Variants in SORCS2 observed in about 807,000 individuals in gnomAD.
SORCS2 encodes the protein VPS10 domain-containing receptor SorCS2.
SORCS2 carries 100 observed loss-of-function variants against 141.6 expected under a neutral mutation model. The ratio of observed to expected loss-of-function variants is 0.71; its 90% CI spans 0.60 to 0.83. The LOEUF (loss-of-function observed/expected upper bound fraction) is 0.83, where lower values mean the gene tolerates loss of function less well. Ranked by LOEUF, SORCS2 falls within the 40% of genes least tolerant of loss-of-function variation. SORCS2 has a pLI of 0.00. For synonymous variants in SORCS2, 789 were observed against 676.9 expected, an observed-to-expected ratio of 1.17 and a Z score of -2.57; for missense variants, 1,646 against 1,560.2, an observed-to-expected ratio of 1.05 and a Z score of -0.93.
At chr4:7,289,614 A>T (rs1423414094) in intron 1 of SORCS2, among the ~76,000 whole-genome samples, 1 of 152,208 alleles carries the variant, frequency 6.6e-6, no homozygotes, top group African/African-American at 2.4e-5. Context: ...GCAGTTAATA[A>T]AGCCCTCCCA....
chr4:7,307,566 G>A (rs1717911551), intron 1 of SORCS2, among the ~76,000 whole-genome samples: 2 of 152,252 alleles, frequency 1.3e-5, no homozygotes, highest in Non-Finnish European at 2.9e-5. Flanking sequence ...GGGCTCCGCC[G>A]CCATGCCTGT....
In SORCS2 at chr4:7,341,755, A is replaced by G. The variant is rs183903579; in HGVS notation, c.481-54533A>G. ...CATTTTGAAGTGTGGCTTCAGTGGT[A>G]TTCAGTGCATTCACAGTGTGTGCAG... On this transcript the variant is annotated intron_variant, in intron 1 of 26. Transcript: ENST00000507866. 7.9e-4 allele frequency among the ~76,000 whole-genome samples: 121 copies of G among 152,320 alleles called. 1 individual carries two copies. In the East Asian group the frequency reaches 0.021, roughly 26 times the overall value.
Position 7,192,597 on chromosome 4 carries a change from C to A in SORCS2, c.-50C>A, listed in dbSNP as rs1171454407. The stretch of plus-strand genomic sequence containing the variant: ...CCCTCCTGCTCTCCCGGCCGCGGTC[C>A]CCTCGTCCGCGCCGCCCCGCCGCCG... On this transcript the variant is annotated 5_prime_UTR_variant, in exon 1 of 27. Transcript: ENST00000507866. This position sits in a 1 kb window ranked among gnomAD's most constrained non-coding sequence, Gnocchi z 4.0. 14 of 987,162 alleles carry A rather than the reference C, an allele frequency of 1.4e-5. No individual in the cohort carries two copies. The highest frequency in any genetic ancestry group is 1.7e-5 in the Non-Finnish European group (14 of 831,698). 61.2% of individuals were successfully genotyped at this position (987,162 alleles called of 1,614,324 possible).
intron 3 of SORCS2, among the ~76,000 whole-genome samples, chr4:7,628,270 C>A (rs966765483): frequency 3.9e-5 from 6 of 152,102 alleles, no homozygotes; most frequent in Non-Finnish European, 7.4e-5. Context: ...TGCCTGTAAT[C>A]CCAGCACCTT....
At chr4:7,406,802 T>C (rs1724997342) in intron 2 of SORCS2, among the ~76,000 whole-genome samples, 1 of 152,000 alleles carries the variant, frequency 6.6e-6, no homozygotes, top group Non-Finnish European at 1.5e-5. Flanking sequence ...TCCTTGATTT[T>C]TTAAAGTTTA....
chr4:7,725,490 G>C (rs1727156200), intron 20 of SORCS2, among the ~76,000 whole-genome samples: 1 of 152,214 alleles, frequency 6.6e-6, no homozygotes, highest in South Asian at 2.1e-4. Context: ...AATGGTGCCA[G>C]ATGAGTCAGA....
chr4:7,710,357 A>C (rs1328553932), intron 14 of SORCS2, among the ~76,000 whole-genome samples: 3 of 152,170 alleles, frequency 2.0e-5, no homozygotes, highest in Admixed American at 2.0e-4. Flanking sequence ...CAAGGAGGAA[A>C]TGGGGGAATA....
At chr4:7,374,129 C>CTCTTTCTTTCTTTCTT (rs1162945229) in intron 1 of SORCS2, among the ~76,000 whole-genome samples, 1,093 of 51,744 alleles carry the variant, frequency 0.021, 17 homozygotes, top group Admixed American at 0.027. Context: ...CTTTCTTTCC[C>CTCTTTCTTTCTTTCTT]TCTTTCTTTC....
Position 7,502,783 on chromosome 4 carries a change from G to A in SORCS2, c.549-28747G>A, listed in dbSNP as rs1167142797. On this transcript the variant is annotated intron_variant, in intron 2 of 26. Coordinates refer to ENST00000507866, the MANE Select transcript of SORCS2 (RefSeq NM_020777.3). ...TCTGTGCTCAGAGACCACTGTGCGG[G>A]GAGCAGGGAAGCCGGCCTTGCCCCC... Among the ~76,000 whole-genome samples the A allele has an allele frequency of 4.4e-5, 5 of 114,750 alleles. No individual in the cohort carries two copies. In the East Asian group the frequency reaches 3.4e-3, roughly 77 times the overall value. 75.3% of individuals were successfully genotyped at this position (114,750 alleles called of 152,430 possible). A position where few individuals can be genotyped will look rare whatever the true frequency, so the allele number is the denominator to read the frequency against.
intron 4 of SORCS2, among the ~76,000 whole-genome samples, chr4:7,651,021 CAT>C (rs1292717614): frequency 6.6e-6 from 1 of 152,064 alleles, no homozygotes; most frequent in African/African-American, 2.4e-5. Context: ...CTGGCAAAAA[CAT>C]AACGCAAATC....
intron 2 of SORCS2, among the ~76,000 whole-genome samples, chr4:7,445,734 C>G (rs1370706383): frequency 1.3e-5 from 2 of 152,146 alleles, no homozygotes; most frequent in African/African-American, 4.8e-5. Context: ...TCAGGCTGCC[C>G]TTTTGTCAGG....
chr4:7,511,427 C>A (rs914992077), intron 2 of SORCS2, among the ~76,000 whole-genome samples: 1 of 33,872 alleles, frequency 3.0e-5, no homozygotes, highest in Admixed American at 4.4e-4. Context: ...GAGAGAGGGG[C>A]GGGGTTGGGG....
intron 1 of SORCS2, among the ~76,000 whole-genome samples, chr4:7,382,504 G>T (rs949761249): frequency 6.6e-6 from 1 of 152,150 alleles, no homozygotes; most frequent in South Asian, 2.1e-4. Context: ...CTCCCTGCCA[G>T]GGAGCCGGGA....
intron 1 of SORCS2, among the ~76,000 whole-genome samples, chr4:7,389,861 T>C (rs1006363440): frequency 6.6e-6 from 1 of 152,128 alleles, no homozygotes; most frequent in Non-Finnish European, 1.5e-5. Flanking sequence ...ACCAGACTGC[T>C]GAGGGATGGG....
At chr4:7,676,890 G>C (rs1560475759) in intron 9 of SORCS2, among the ~76,000 whole-genome samples, 393 of 31,534 alleles carry the variant, frequency 0.012, 137 homozygotes, top group South Asian at 0.025. Context: ...TCTGAAGTTG[G>C]CCTCTCTCTC....
chr4:7,483,884 T>C (rs758338520), intron 2 of SORCS2, among the ~76,000 whole-genome samples: 7 of 152,186 alleles, frequency 4.6e-5, no homozygotes, highest in Non-Finnish European at 1.0e-4. Context: ...CTGCACGTTC[T>C]GCACATGTAT....
At chr4:7,422,821 A>C (rs1726170624) in intron 2 of SORCS2, among the ~76,000 whole-genome samples, 1 of 152,050 alleles carries the variant, frequency 6.6e-6, no homozygotes, top group Admixed American at 6.6e-5. Flanking sequence ...AACTTCAGAG[A>C]GCACAGAGGC....
chr4:7,508,790 G>A (rs577335153), intron 2 of SORCS2, among the ~76,000 whole-genome samples: 2 of 152,318 alleles, frequency 1.3e-5, no homozygotes, highest in East Asian at 1.9e-4. Context: ...GCTCAGAGAA[G>A]AGGCCCAGAG....
At chr4:7,679,594 C>T (rs1423811832) in intron 9 of SORCS2, among the ~76,000 whole-genome samples, 1 of 152,166 alleles carries the variant, frequency 6.6e-6, no homozygotes, top group Non-Finnish European at 1.5e-5. Context: ...CGCGGCCGCA[C>T]GCCAGGGAGG....
Sources: gnomAD v4.1 joint callset for allele counts (sites outside exome capture counted in the v4.1 genomes callset) on GRCh38, gnomAD v4.1.1 for gene constraint, Gnocchi (gnomAD v3.1) non-coding constraint, MANE v1.5 for transcripts, NCBI Gene and HGNC (gene_info 2026-07-23, HGNC 2026-07-21) for gene names.